Variants in VPS13B observed in about 807,000 individuals in gnomAD.
The protein encoded by VPS13B is intermembrane lipid transfer protein VPS13B.
A neutral mutation model predicts 426.4 loss-of-function variants in VPS13B; 285 were observed. That is an observed-to-expected ratio of 0.67 (90% CI 0.61 to 0.74). VPS13B has a LOEUF of 0.74. VPS13B is among the 30% of genes least tolerant of loss of function. The pLI, the probability that VPS13B is intolerant of heterozygous loss-of-function variation, is 0.00. For synonymous variants in VPS13B, 1,676 were observed against 1,676.4 expected (o/e 1.00, Z 0.01); for missense variants, 4,537 against 4,782.6 (o/e 0.95, Z 1.51).
At chr8:99,387,271 G>A (rs1380417501) in intron 20 of VPS13B, among the ~76,000 whole-genome samples, 1 of 151,756 alleles carries the variant, frequency 6.6e-6, no homozygotes, top group Non-Finnish European at 1.5e-5. Flanking sequence ...AGGCTGAAGT[G>A]CAGTGCTGTG....
intron 52 of VPS13B, 122 bp from the exon 53 acceptor site, chr8:99,835,075 G>C: frequency 8.2e-7 from 1 of 1,223,438 alleles, no homozygotes; most frequent in Non-Finnish European, 1.2e-6. Flanking sequence ...AATCTCCCCT[G>C]AGTTATAAAA....
At chr8:99,138,482 T>G (rs1057067336) in intron 12 of VPS13B, among the ~76,000 whole-genome samples, 1 of 152,248 alleles carries the variant, frequency 6.6e-6, no homozygotes, top group African/African-American at 2.4e-5. Flanking sequence ...CTATAGTTTC[T>G]ACTGCAATCA....
chr8:99,449,067 G>A (rs1818065116), intron 23 of VPS13B, among the ~76,000 whole-genome samples: 1 of 152,140 alleles, frequency 6.6e-6, no homozygotes, highest in Non-Finnish European at 1.5e-5. Flanking sequence ...GTCAAGATTA[G>A]TTAAATATTC....
rs1377546765 is a variant in VPS13B at position 99,271,133 on chromosome 8, C to T, written c.2516-3065C>T. On this transcript the variant is annotated intron_variant, in intron 17 of 61. Transcript: ENST00000357162. ...GTAAGTGCTCAGTGCATGTTAAGTG[C>T]TATGATTACTATTATTGATACTACT... is the stretch of plus-strand genomic sequence containing the variant. Among the ~76,000 whole-genome samples the T allele has an allele frequency of 2.6e-5, 4 of 151,956 alleles. No homozygotes were observed. The East Asian group carries it at 7.7e-4, about 29-fold the overall frequency.
At chr8:99,537,101 A>G (rs1823288069) in intron 30 of VPS13B, among the ~76,000 whole-genome samples, 1 of 152,122 alleles carries the variant, frequency 6.6e-6, no homozygotes, top group Non-Finnish European at 1.5e-5. Flanking sequence ...ATAATAACGT[A>G]TATCCACCTG....
chr8:99,504,710 T>G (rs1821406432), intron 27 of VPS13B, among the ~76,000 whole-genome samples: 1 of 152,166 alleles, frequency 6.6e-6, no homozygotes, highest in African/African-American at 2.4e-5. Context: ...AAGAGTAGAT[T>G]TAACAAAATT....
At chr8:99,664,214 C>G (rs1238797055) in intron 35 of VPS13B, among the ~76,000 whole-genome samples, 2 of 151,864 alleles carry the variant, frequency 1.3e-5, no homozygotes, top group Non-Finnish European at 2.9e-5. Context: ...AACATACTGG[C>G]CAGGCTGGTC....
chr8:99,622,681 A>C (rs191723364), intron 33 of VPS13B, among the ~76,000 whole-genome samples: 1 of 152,064 alleles, frequency 6.6e-6, no homozygotes, highest in East Asian at 1.9e-4. Flanking sequence ...TCAGAATGGA[A>C]CTCCTGATTT....
At chr8:99,589,393 C>G (rs552322302) in intron 33 of VPS13B, among the ~76,000 whole-genome samples, 9 of 151,534 alleles carry the variant, frequency 5.9e-5, no homozygotes, top group African/African-American at 2.2e-4. Context: ...GTGTGATGTT[C>G]CCCTTCCTGT....
At chr8:99,686,947 C>T (rs1232569141) in intron 35 of VPS13B, among the ~76,000 whole-genome samples, 3 of 152,034 alleles carry the variant, frequency 2.0e-5, no homozygotes, top group Non-Finnish European at 4.4e-5. Flanking sequence ...ATAGCCATCA[C>T]AGCTGGGAAT....
At chr8:99,518,966 TAA>T (rs1448868879) in intron 29 of VPS13B, among the ~76,000 whole-genome samples, 2 of 152,198 alleles carry the variant, frequency 1.3e-5, no homozygotes, top group Non-Finnish European at 2.9e-5. Flanking sequence ...AGAGAAATTA[TAA>T]GTTTTAATAT....
intron 17 of VPS13B, among the ~76,000 whole-genome samples, chr8:99,209,995 AG>A (rs1473037390): frequency 4.6e-5 from 7 of 152,180 alleles, no homozygotes; most frequent in African/African-American, 7.2e-5. Context: ...TCTTATAATA[AG>A]CAATTAAAAA....
chr8:99,365,563 C>A (rs2133248131), intron 19 of VPS13B, among the ~76,000 whole-genome samples: 1 of 145,686 alleles, frequency 6.9e-6, no homozygotes, highest in East Asian at 2.0e-4. Context: ...GTCGCCCAGG[C>A]TGGAGTGCAG....
chr8:99,121,721 A>G (rs1016170545), intron 8 of VPS13B: 1 of 642,950 alleles, frequency 1.6e-6, no homozygotes, highest in Non-Finnish European at 2.2e-6. Context: ...GTGTACAAAC[A>G]TGCCTTAATA....
intron 15 of VPS13B, among the ~76,000 whole-genome samples, chr8:99,164,094 G>A (rs1432495016): frequency 6.6e-6 from 1 of 152,198 alleles, no homozygotes; most frequent in South Asian, 2.1e-4. Context: ...GAACTCTCCA[G>A]GCCAGGGGAA....
At chr8:99,242,073 C>T (rs989405024) in intron 17 of VPS13B, among the ~76,000 whole-genome samples, 9 of 152,214 alleles carry the variant, frequency 5.9e-5, no homozygotes, top group East Asian at 1.9e-4. Context: ...CTCCGCCTCC[C>T]GGGTTCACGC....
chr8:99,223,869 A>C (rs1224038192), intron 17 of VPS13B, among the ~76,000 whole-genome samples: 2 of 152,210 alleles, frequency 1.3e-5, no homozygotes, highest in African/African-American at 4.8e-5. Flanking sequence ...AAGTATGGCG[A>C]AGTATAGTAA....
At chr8:99,708,849 C>CTCTCTATA (rs201729748) in intron 36 of VPS13B, among the ~76,000 whole-genome samples, 2,745 of 147,266 alleles carry the variant, frequency 0.019, 33 homozygotes, top group Non-Finnish European at 0.023. Context: ...CTCTCTCTCT[C>CTCTCTATA]TATATATATA....
intron 52 of VPS13B, among the ~76,000 whole-genome samples, chr8:99,834,865 G>C (rs1209183798): frequency 6.6e-6 from 1 of 152,160 alleles, no homozygotes; most frequent in Admixed American, 6.5e-5. Context: ...AGCCTACCAA[G>C]CACTTTTAAG....
Sources: allele counts gnomAD v4.1 joint callset (sites outside exome capture counted in the v4.1 genomes callset), GRCh38; gene constraint gnomAD v4.1.1; transcripts MANE v1.5; gene names NCBI Gene and HGNC (gene_info 2026-07-23, HGNC 2026-07-21).